The following BAZ2B variants were observed in gnomAD, a reference collection of about 807,000 sequenced individuals.
BAZ2B encodes bromodomain adjacent to zinc finger domain 2B.
A neutral mutation model predicts 246.0 loss-of-function variants in BAZ2B; 91 were observed. The ratio of observed to expected loss-of-function variants is 0.37; its 90% confidence interval spans 0.31 to 0.44. BAZ2B has a LOEUF of 0.44. BAZ2B is among the 20% of genes least tolerant of loss of function. The probability of loss-of-function intolerance (pLI) is 1.00; values close to 1 mark genes in which losing one functional copy is unlikely to be tolerated. For missense variants in BAZ2B, 2,332 were observed against 2,533.7 expected (o/e 0.92, Z 1.71); for synonymous variants, 855 against 860.0 (o/e 0.99, Z 0.10).
the BAZ2B span, among the ~76,000 whole-genome samples, chr2:159,681,445 C>CAA: frequency 7.2e-6 from 1 of 138,770 alleles, no homozygotes; most frequent in African/African-American, 2.7e-5. Context: ...ACAGTTTGAC[C>CAA]AAAAAAAAAA....
the BAZ2B span, among the ~76,000 whole-genome samples, chr2:159,674,501 T>G: frequency 6.6e-6 from 1 of 151,680 alleles, no homozygotes; most frequent in Non-Finnish European, 1.5e-5. Flanking sequence ...GATCACTTCA[T>G]GTTATTAGTT....
chr2:159,589,264 GC>G (rs1688743727), intron 1 of BAZ2B, among the ~76,000 whole-genome samples: 1 of 151,958 alleles, frequency 6.6e-6, no homozygotes, highest in African/African-American at 2.4e-5. Flanking sequence ...TACTCACACT[GC>G]TCAGAATCAT....
chr2:159,623,002 A>AGAG, the BAZ2B span, among the ~76,000 whole-genome samples: 4 of 146,782 alleles, frequency 2.7e-5, no homozygotes, highest in African/African-American at 1.0e-4. Flanking sequence ...TGAAAGGAAG[A>AGAG]GAGAAACAGG....
At chr2:159,495,748 T>C (rs934579186) in intron 2 of BAZ2B, among the ~76,000 whole-genome samples, 14 of 151,550 alleles carry the variant, frequency 9.2e-5, no homozygotes, top group African/African-American at 2.9e-4. Context: ...TAAAACTATA[T>C]ATACATTTTA....
chr2:159,553,062 G>A (rs1037178280), intron 2 of BAZ2B, among the ~76,000 whole-genome samples: 1 of 152,132 alleles, frequency 6.6e-6, no homozygotes, highest in African/African-American at 2.4e-5. Context: ...GTCCACATTA[G>A]GTAGAGTGTA....
chr2:159,346,290 A>G (rs1272702953), intron 31 of BAZ2B, among the ~76,000 whole-genome samples: 1 of 152,252 alleles, frequency 6.6e-6, no homozygotes, highest in East Asian at 1.9e-4. Flanking sequence ...TAAACTAATT[A>G]TGAAGCAAAA....
At chr2:159,490,514 T>G (rs574441799) in intron 2 of BAZ2B, among the ~76,000 whole-genome samples, 1 of 152,110 alleles carries the variant, frequency 6.6e-6, no homozygotes, top group Non-Finnish European at 1.5e-5. Context: ...TTTAGAGTTT[T>G]TTTGTTTGTT....
chr2:159,352,140 C>G (rs1199519202), intron 27 of BAZ2B, among the ~76,000 whole-genome samples: 1 of 152,182 alleles, frequency 6.6e-6, no homozygotes, highest in Non-Finnish European at 1.5e-5. Flanking sequence ...TCCTTGATAA[C>G]TCTGCTCCTC....
At chr2:159,649,857 C>T in the BAZ2B span, among the ~76,000 whole-genome samples, 1 of 152,122 alleles carries the variant, frequency 6.6e-6, no homozygotes, top group Non-Finnish European at 1.5e-5. Flanking sequence ...AAGTGATGCA[C>T]ATCTGTTATT....
At chr2:159,663,202 T>C in the BAZ2B span, among the ~76,000 whole-genome samples, 1 of 150,896 alleles carries the variant, frequency 6.6e-6, no homozygotes. Context: ...TTTTTTTTTC[T>C]TTTTTTTCTT....
intron 1 of BAZ2B, among the ~76,000 whole-genome samples, chr2:159,587,473 C>G (rs1688317552): frequency 6.6e-6 from 1 of 152,168 alleles, no homozygotes; most frequent in African/African-American, 2.4e-5. Flanking sequence ...CTGTCCTTTC[C>G]CACTTTTTAC....
chr2:159,475,256 C>A (rs903962677), intron 3 of BAZ2B, among the ~76,000 whole-genome samples: 1 of 152,074 alleles, frequency 6.6e-6, no homozygotes, highest in Non-Finnish European at 1.5e-5. Context: ...TCTGTCCTTT[C>A]ATTGTTTTTT....
rs150128387 is a variant in BAZ2B, at chr2:159,420,288, C to T, written c.2466+7653G>A. 1.8e-3 allele frequency among the ~76,000 whole-genome samples: 273 copies of T among 152,264 alleles called. 2 individuals are homozygous for T. The highest frequency in any genetic ancestry group is 6.3e-3 in the African/African-American group (260 of 41,558). ...CCTGGCACATTAAGTATTTGCCACA[C>T]ATATTTACTGATTAAATGACTCAGA... On this transcript the variant is annotated intron_variant, in intron 13 of 36. Coordinates refer to ENST00000392783, the MANE Select transcript of BAZ2B (RefSeq NM_013450.4).
intron 23 of BAZ2B, among the ~76,000 whole-genome samples, chr2:159,384,699 A>C (rs1469193544): frequency 1.3e-5 from 2 of 151,392 alleles, no homozygotes; most frequent in Admixed American, 6.6e-5. Flanking sequence ...ATAAATAAAT[A>C]CTCTATGGTT....
chr2:159,666,253 GATT>G, the BAZ2B span, among the ~76,000 whole-genome samples: 1 of 128,380 alleles, frequency 7.8e-6, no homozygotes, highest in African/African-American at 2.8e-5. Flanking sequence ...ATTTTTTTAT[GATT>G]CTTTTTTTTT....
chr2:159,691,557 G>C, the BAZ2B span, among the ~76,000 whole-genome samples: 4 of 152,050 alleles, frequency 2.6e-5, no homozygotes, highest in African/African-American at 9.7e-5. Flanking sequence ...TTACAGAATT[G>C]CCTGTCTGAA....
At chr2:159,500,075 A>G (rs577180594) in intron 2 of BAZ2B, among the ~76,000 whole-genome samples, 1 of 152,248 alleles carries the variant, frequency 6.6e-6, no homozygotes, top group East Asian at 1.9e-4. Flanking sequence ...TGGCATTTTC[A>G]TCATAAAATC....
intron 31 of BAZ2B, among the ~76,000 whole-genome samples, chr2:159,345,848 C>A (rs1183422749): frequency 1.3e-5 from 2 of 152,166 alleles, no homozygotes; most frequent in East Asian, 3.8e-4. Flanking sequence ...GGTGCAAAAC[C>A]TCTTCTCATT....
intron 2 of BAZ2B, among the ~76,000 whole-genome samples, chr2:159,526,617 C>T (rs1354776501): frequency 6.6e-6 from 1 of 152,048 alleles, no homozygotes; most frequent in African/African-American, 2.4e-5. Context: ...GTTTTGTTTG[C>T]ACTTCTGTTT....
Sources: gnomAD v4.1 joint callset for allele counts (sites outside exome capture counted in the v4.1 genomes callset) on GRCh38, gnomAD v4.1.1 for gene constraint, MANE v1.5 for transcripts, NCBI Gene and HGNC (gene_info 2026-07-23, HGNC 2026-07-21) for gene names.